The following PTPRD variants were observed in gnomAD, a reference collection of about 807,000 sequenced individuals.
PTPRD encodes the protein receptor-type tyrosine-protein phosphatase delta.
Under a neutral mutation model 214.5 loss-of-function variants are expected in PTPRD, and 34 were observed. The observed-to-expected ratio is 0.16, with a 90% confidence interval of 0.12 to 0.21. The LOEUF (loss-of-function observed/expected upper bound fraction) is 0.21. Ranked by LOEUF, PTPRD falls within the 10% of genes least tolerant of loss-of-function variation. The pLI, the probability that PTPRD is intolerant of heterozygous loss-of-function variation, is 1.00. For synonymous variants in PTPRD, 1,128 were observed against 845.7 expected (o/e 1.33, Z -5.79); for missense variants, 2,545 against 2,398.7 (o/e 1.06, Z -1.27).
intron 10 of PTPRD, among the ~76,000 whole-genome samples, chr9:9,064,848 A>G (rs967395898): frequency 6.6e-6 from 1 of 152,236 alleles, no homozygotes; most frequent in African/African-American, 2.4e-5. Flanking sequence ...ATACTGAAAT[A>G]AGCAAATAGC....
intron 8 of PTPRD, among the ~76,000 whole-genome samples, chr9:9,506,827 G>C (rs1350880948): frequency 2.0e-5 from 3 of 151,284 alleles, no homozygotes; most frequent in Non-Finnish European, 3.0e-5. Flanking sequence ...TGAATGAAAA[G>C]GCCAGAAAAG....
chr9:9,883,139 A>G (rs1272488653), intron 5 of PTPRD, among the ~76,000 whole-genome samples: 2 of 152,184 alleles, frequency 1.3e-5, no homozygotes, highest in East Asian at 3.9e-4. Context: ...ACAGCAACGC[A>G]AAATGAACAA....
At chr9:8,522,177 C>T (rs746112138) in intron 19 of PTPRD, among the ~76,000 whole-genome samples, 1 of 152,152 alleles carries the variant, frequency 6.6e-6, no homozygotes, top group Non-Finnish European at 1.5e-5. Context: ...GAAGAAGAAA[C>T]AGGCTAACAC....
chr9:10,513,804 A>T (rs374171709), intron 2 of PTPRD, among the ~76,000 whole-genome samples: 1 of 152,122 alleles, frequency 6.6e-6, no homozygotes, highest in Admixed American at 6.6e-5. Context: ...AATTTTTAAA[A>T]CTGTGTCAAA....
At chr9:9,067,865 A>G (rs932628420) in intron 10 of PTPRD, among the ~76,000 whole-genome samples, 3 of 152,110 alleles carry the variant, frequency 2.0e-5, no homozygotes, top group Non-Finnish European at 4.4e-5. Context: ...ATTTAGTTCT[A>G]TGCAATTTTA....
At chr9:10,322,257 G>T (rs1769841566) in intron 3 of PTPRD, among the ~76,000 whole-genome samples, 1 of 151,996 alleles carries the variant, frequency 6.6e-6, no homozygotes, top group African/African-American at 2.4e-5. Flanking sequence ...ATAAAATGGT[G>T]CAGTGTTGGC....
chr9:8,929,400 T>C (rs1339348387), intron 11 of PTPRD, among the ~76,000 whole-genome samples: 5 of 151,848 alleles, frequency 3.3e-5, no homozygotes, highest in Non-Finnish European at 7.4e-5. Context: ...TAGCATGAAG[T>C]TGTGTTGAAT....
chr9:8,600,249 C>T (rs975810728), intron 14 of PTPRD, among the ~76,000 whole-genome samples: 1 of 152,196 alleles, frequency 6.6e-6, no homozygotes, highest in Non-Finnish European at 1.5e-5. Flanking sequence ...CCCATCCCAG[C>T]AGTCAGAGCT....
intron 4 of PTPRD, among the ~76,000 whole-genome samples, chr9:10,022,915 C>T (rs1241899396): frequency 6.6e-6 from 1 of 152,106 alleles, no homozygotes; most frequent in East Asian, 1.9e-4. Context: ...TTTTATGCCT[C>T]AGTATTTTTA....
chr9:10,569,928 A>G (rs1057380203), intron 2 of PTPRD, among the ~76,000 whole-genome samples: 5 of 152,110 alleles, frequency 3.3e-5, no homozygotes, highest in African/African-American at 1.2e-4. Flanking sequence ...GATATACTCA[A>G]TGTCTTGCTC....
At chr9:10,586,730 C>T (rs2074003763) in intron 2 of PTPRD, among the ~76,000 whole-genome samples, 1 of 151,328 alleles carries the variant, frequency 6.6e-6, no homozygotes, top group Admixed American at 6.6e-5. Context: ...ACTGTCAATC[C>T]TGAAATGATT....
At chr9:8,387,932 A>G (rs184719862) in intron 37 of PTPRD, among the ~76,000 whole-genome samples, 15 of 152,336 alleles carry the variant, frequency 9.8e-5, no homozygotes, top group African/African-American at 3.6e-4. Context: ...ATCAGTAACA[A>G]ATCCATTTAC....
At chr9:10,103,792 CA>C (rs2098595788) in intron 3 of PTPRD, among the ~76,000 whole-genome samples, 2 of 151,570 alleles carry the variant, frequency 1.3e-5, no homozygotes, top group Admixed American at 1.3e-4. Context: ...GCCAATATAT[CA>C]TGTTCTTGCT....
intron 10 of PTPRD, among the ~76,000 whole-genome samples, chr9:9,167,883 G>C (rs553530897): frequency 1.4e-4 from 21 of 152,190 alleles, no homozygotes; most frequent in African/African-American, 4.8e-4. Context: ...ATTTACTGGA[G>C]AGACATTGCA....
At chr9:8,650,428 G>C (rs936519297) in intron 12 of PTPRD, among the ~76,000 whole-genome samples, 2 of 151,640 alleles carry the variant, frequency 1.3e-5, no homozygotes, top group South Asian at 2.1e-4. Flanking sequence ...GGGAGGCTGA[G>C]GCAGGAGAAT....
intron 14 of PTPRD, among the ~76,000 whole-genome samples, chr9:8,621,124 A>G (rs554286631): frequency 7.2e-5 from 11 of 151,926 alleles, no homozygotes; most frequent in Non-Finnish European, 1.5e-4. Flanking sequence ...CTAATTCCAA[A>G]GATTCCTCAA....
At chr9:9,562,855 A>C (rs995628565) in intron 8 of PTPRD, among the ~76,000 whole-genome samples, 5 of 152,044 alleles carry the variant, frequency 3.3e-5, no homozygotes, top group South Asian at 4.1e-4. Flanking sequence ...TAACCTTTAA[A>C]TATGCTAGAT....
chr9:8,603,392 C>G (rs1439906533), intron 14 of PTPRD, among the ~76,000 whole-genome samples: 1 of 152,138 alleles, frequency 6.6e-6, no homozygotes, highest in Non-Finnish European at 1.5e-5. Flanking sequence ...AGTAGAAAGG[C>G]TGGGTCTTTG....
intron 5 of PTPRD, among the ~76,000 whole-genome samples, chr9:9,772,116 A>C (rs569848157): frequency 6.6e-6 from 1 of 152,284 alleles, no homozygotes; most frequent in African/African-American, 2.4e-5. Context: ...AGTTAAAATA[A>C]TGCCATTAGT....
Sources: allele counts gnomAD v4.1 joint callset (sites outside exome capture counted in the v4.1 genomes callset), GRCh38; gene constraint gnomAD v4.1.1; transcripts MANE v1.5; gene names NCBI Gene and HGNC (gene_info 2026-07-23, HGNC 2026-07-21).